TFDP2: variants seen among roughly 807,000 people sequenced by gnomAD.
TFDP2 encodes transcription factor Dp-2, also known as transcription factor Dp-2 (E2F dimerization partner 2).
Under a neutral mutation model 59.3 loss-of-function variants are expected in TFDP2, and 17 were observed. The ratio of observed to expected loss-of-function variants is 0.29; its 90% confidence interval spans 0.20 to 0.43. The LOEUF is 0.43. Among genes scored for constraint, TFDP2 ranks in the 20% least tolerant of loss-of-function variants. The probability of loss-of-function intolerance (pLI) is 1.00; values close to 1 mark genes in which losing one functional copy is unlikely to be tolerated. For synonymous variants in TFDP2, 180 were observed against 194.7 expected, an observed-to-expected ratio of 0.92 and a Z score of 0.63; for missense variants, 391 against 528.8, an observed-to-expected ratio of 0.74 and a Z score of 2.56.
intron 11 of TFDP2, 146 bp from the exon 12 acceptor site, chr3:141,953,162 G>A: frequency 2.0e-6 from 1 of 492,168 alleles, no homozygotes; most frequent in South Asian, 5.0e-5. Flanking sequence ...CAAGAACCCA[G>A]GTTTCTTCAT....
intron 3 of TFDP2, among the ~76,000 whole-genome samples, chr3:142,011,375 G>C (rs1362575839): frequency 1.6e-3 from 220 of 140,540 alleles, no homozygotes; most frequent in African/African-American, 5.6e-3. Flanking sequence ...TCACTCATAG[G>C]TGGGAATTGA....
At chr3:141,987,801 T>C (rs533712863) in intron 6 of TFDP2, among the ~76,000 whole-genome samples, 37 of 148,270 alleles carry the variant, frequency 2.5e-4, no homozygotes, top group Non-Finnish European at 4.8e-4. Context: ...TAGCCGGGCA[T>C]GATGGCAGGT....
intron 2 of TFDP2, among the ~76,000 whole-genome samples, chr3:142,098,933 T>C (rs1313936511): frequency 3.3e-5 from 5 of 152,198 alleles, no homozygotes; most frequent in Non-Finnish European, 7.3e-5. Context: ...ACATTCCACT[T>C]TTTGTGTTAA....
At chr3:142,053,589 C>T (rs1424525347) in intron 3 of TFDP2, among the ~76,000 whole-genome samples, 2 of 152,146 alleles carry the variant, frequency 1.3e-5, no homozygotes, top group African/African-American at 2.4e-5. Context: ...AGATATAAAA[C>T]ATGTCTGCTC....
intron 1 of TFDP2, among the ~76,000 whole-genome samples, chr3:142,105,252 A>G (rs1322690958): frequency 6.6e-6 from 1 of 152,210 alleles, no homozygotes; most frequent in Non-Finnish European, 1.5e-5. Context: ...TATATTTCCA[A>G]AGCAAATACT....
chr3:142,073,607 A>G (rs1295304050), intron 3 of TFDP2, among the ~76,000 whole-genome samples: 4 of 152,162 alleles, frequency 2.6e-5, no homozygotes, highest in African/African-American at 7.2e-5. Context: ...TCTTCCAAAA[A>G]GTCTGATTAT....
At chr3:142,017,064 G>A (rs1042709999) in intron 3 of TFDP2, among the ~76,000 whole-genome samples, 14 of 151,918 alleles carry the variant, frequency 9.2e-5, no homozygotes, top group Non-Finnish European at 1.3e-4. Flanking sequence ...GATATCCTAC[G>A]TCTTATTCCC....
intron 3 of TFDP2, among the ~76,000 whole-genome samples, chr3:142,089,034 G>A (rs2060909801): frequency 6.6e-6 from 1 of 151,904 alleles, no homozygotes. Context: ...TCACCATGTT[G>A]GTAAGGCTGG....
intron 3 of TFDP2, among the ~76,000 whole-genome samples, chr3:142,035,977 G>A (rs569453987): frequency 6.6e-6 from 1 of 152,248 alleles, no homozygotes; most frequent in South Asian, 2.1e-4. Context: ...ACTTCTCAAA[G>A]TCCACATACT....
At chr3:142,103,214 G>A (rs1372369298) in intron 1 of TFDP2, among the ~76,000 whole-genome samples, 1 of 151,276 alleles carries the variant, frequency 6.6e-6, no homozygotes, top group Non-Finnish European at 1.5e-5. Context: ...CTCCAGCCTG[G>A]GAAACAGAAA....
intron 3 of TFDP2, among the ~76,000 whole-genome samples, chr3:142,031,239 C>T (rs1391785463): frequency 6.6e-6 from 1 of 152,222 alleles, no homozygotes. Flanking sequence ...TAGGATTCTA[C>T]TGTTCTTGCA....
At chr3:142,107,424 G>A (rs1336098611) in intron 1 of TFDP2, among the ~76,000 whole-genome samples, 1 of 151,564 alleles carries the variant, frequency 6.6e-6, no homozygotes. Context: ...AGTAGAGACG[G>A]GGTTTTACCA....
intron 4 of TFDP2, among the ~76,000 whole-genome samples, chr3:142,005,054 C>T (rs550692104): frequency 6.6e-6 from 1 of 152,120 alleles, no homozygotes; most frequent in African/African-American, 2.4e-5. Flanking sequence ...ATAATTTTTT[C>T]TTTTTCTTTT....
At chr3:141,977,743 C>T (rs1940911997) in intron 7 of TFDP2, among the ~76,000 whole-genome samples, 1 of 151,812 alleles carries the variant, frequency 6.6e-6, no homozygotes, top group Non-Finnish European at 1.5e-5. Flanking sequence ...CGGAGTCTCA[C>T]TCTGTCGCCC....
chr3:142,134,253 G>A (rs2062631477), intron 1 of TFDP2, among the ~76,000 whole-genome samples: 1 of 151,408 alleles, frequency 6.6e-6, no homozygotes, highest in Non-Finnish European at 1.5e-5. Context: ...GGAGCCTGAG[G>A]CAGGAGAATC....
intron 3 of TFDP2, among the ~76,000 whole-genome samples, chr3:142,090,599 T>G (rs2060966467): frequency 6.6e-6 from 1 of 151,458 alleles, no homozygotes; most frequent in Non-Finnish European, 1.5e-5. Flanking sequence ...CTCATTCTGT[T>G]GCCCAGGCTG....
chr3:141,968,962 T>TATATATATATAGATATATATAAC, intron 9 of TFDP2, among the ~76,000 whole-genome samples: 1 of 97,192 alleles, frequency 1.0e-5, no homozygotes, highest in African/African-American at 4.8e-5. Context: ...ATATAACACA[T>TATATATATATAGATATATATAAC]ATATATCTCA....
At position 142,032,665 on chromosome 3, in the gene TFDP2, C is replaced by T. The variant is rs186935782; in HGVS notation, c.83-27121G>A. On this transcript the variant is annotated intron_variant, in intron 3 of 12. Coordinates refer to ENST00000489671, the MANE Select transcript of TFDP2 (RefSeq NM_001178139.2). ...CTACCTTCCCAAACCCACTCATCCT[C>T]CTAGGTTCCTCATCCTTGTTAAAGG... Among the ~76,000 whole-genome samples, 418 of 152,278 alleles carry T rather than the reference C, an allele frequency of 2.7e-3. 2 individuals are homozygous for T. Among genetic ancestry groups the T allele is most frequent in the Non-Finnish European group, 4.9e-3 (334 of 68,016 alleles).
intron 3 of TFDP2, among the ~76,000 whole-genome samples, chr3:142,031,034 G>A (rs1172727601): frequency 1.3e-5 from 2 of 152,148 alleles, no homozygotes; most frequent in South Asian, 2.1e-4. Context: ...GAGCCACCGC[G>A]CCCGGCGTAT....
Sources: gnomAD v4.1 joint callset for allele counts (sites outside exome capture counted in the v4.1 genomes callset) on GRCh38, gnomAD v4.1.1 for gene constraint, MANE v1.5 for transcripts, NCBI Gene and HGNC (gene_info 2026-07-23, HGNC 2026-07-21) for gene names.